Variants in TLE3 observed in about 807,000 individuals in gnomAD.
TLE3 encodes the protein transducin-like enhancer protein 3.
Under a neutral mutation model 93.0 loss-of-function variants are expected in TLE3, and 14 were observed. That is an observed-to-expected ratio of 0.15 (90% CI 0.10 to 0.24). The LOEUF (loss-of-function observed/expected upper bound fraction) is 0.24, where lower values mean the gene tolerates loss of function less well. TLE3 is among the 10% of genes least tolerant of loss of function. The pLI is 1.00. For missense variants in TLE3, 693 were observed against 1,046.6 expected, an observed-to-expected ratio of 0.66 and a Z score of 4.66; for synonymous variants, 451 against 425.0, an observed-to-expected ratio of 1.06 and a Z score of -0.75.
rs1421644317 is a variant in TLE3, at chr15:70,080,068, A to G, written c.235-3910T>C. On this transcript the variant is annotated intron_variant, in intron 4 of 19. Transcript: ENST00000451782. ...AAACATCAGTTCCAAAAAAGGAAAA[A>G]AAAAAAAAAAAATCAAGTGTGACTT... 4.3e-4 allele frequency among the ~76,000 whole-genome samples: 66 copies of G among 152,276 alleles called. 1 individual carries two copies. In the South Asian group the frequency reaches 0.013, roughly 31 times the overall value.
chr15:70,083,578 C>G (rs989151235), intron 4 of TLE3, among the ~76,000 whole-genome samples: 4 of 146,450 alleles, frequency 2.7e-5, no homozygotes, highest in Non-Finnish European at 4.5e-5. Flanking sequence ...CCCCCTCCCC[C>G]ACCTTCCCAG....
At chr15:70,096,750 A>T (rs1224042469) in intron 1 of TLE3, 25 bp downstream of exon 1, 2 of 1,612,920 alleles carry the variant, frequency 1.2e-6, no homozygotes, top group South Asian at 2.2e-5. Flanking sequence ...TAGATGCTTA[A>T]ATAAACCGAG....
At chr15:70,080,847 C>A (rs953043807) in intron 4 of TLE3, among the ~76,000 whole-genome samples, 4 of 152,182 alleles carry the variant, frequency 2.6e-5, no homozygotes, top group African/African-American at 4.8e-5. Context: ...CTGTACCCCC[C>A]AGCAACCTCC....
chr15:70,090,620 G>A (rs866427049), intron 4 of TLE3, among the ~76,000 whole-genome samples: 1 of 152,136 alleles, frequency 6.6e-6, no homozygotes, highest in Admixed American at 6.5e-5. Context: ...GGGAGGGGAG[G>A]GGAGTGACAA....
intron 4 of TLE3, among the ~76,000 whole-genome samples, chr15:70,088,839 C>T (rs1330065533): frequency 6.6e-6 from 1 of 152,228 alleles, no homozygotes; most frequent in Non-Finnish European, 1.5e-5. Flanking sequence ...GGTAGGAAAG[C>T]AGGCAGAGCA....
At chr15:70,060,838 G>C in intron 8 of TLE3, 189 bp from the exon 9 acceptor site, 1 of 873,316 alleles carries the variant, frequency 1.1e-6, no homozygotes, top group Non-Finnish European at 1.8e-6. Context: ...CCCTGAGACT[G>C]AGTCCCCGGG....
At chr15:70,057,437 A>G (rs1488203694) in intron 13 of TLE3, 22 bp downstream of exon 13, 1 of 1,571,202 alleles carries the variant, frequency 6.4e-7, no homozygotes, top group Non-Finnish European at 8.6e-7. Context: ...TCCCCAAGAA[A>G]GGAGCCAAAA....
At chr15:70,075,419 C>G (rs569023345) in intron 5 of TLE3, among the ~76,000 whole-genome samples, 2 of 152,328 alleles carry the variant, frequency 1.3e-5, no homozygotes, top group South Asian at 4.1e-4. Context: ...CTGCAAGCTC[C>G]GAGGGCATTG....
At position 70,095,614 on chromosome 15, in the gene TLE3, T is replaced by C. The variant is rs1464586730; in HGVS notation, c.153A>G (p.Ala51=). ...HSLKVEYDKL[A]NEKTEMQRHY... ...GGCGCTGCATCTCCGTCTTCTCGTT[T>C]GCCAGCTTGTCGTACTCCACTTTGA... Residue 51 remains alanine (A), a synonymous_variant, in exon 3 of 20, where the codon GCA becomes GCG. Coordinates refer to ENST00000451782, the MANE Select transcript of TLE3 (RefSeq NM_001105192.3). 1.3e-6 allele frequency: 2 copies of C among 1,551,614 alleles called. No individual in the cohort carries two copies. Among genetic ancestry groups the C allele is most frequent in the Non-Finnish European group, 1.7e-6 (2 of 1,146,924 alleles).
chr15:70,071,473 G>C (rs1331481592), intron 6 of TLE3, among the ~76,000 whole-genome samples: 3 of 151,994 alleles, frequency 2.0e-5, no homozygotes, highest in Non-Finnish European at 2.9e-5. Flanking sequence ...CAGGAAGGAA[G>C]ACCCCAGGAA....
intron 6 of TLE3, among the ~76,000 whole-genome samples, chr15:70,072,895 T>C (rs1292362486): frequency 6.6e-6 from 1 of 152,190 alleles, no homozygotes; most frequent in African/African-American, 2.4e-5. Flanking sequence ...ACTTTAAACA[T>C]TAAAATATCA....
At position 70,058,409 on chromosome 15, in the gene TLE3, GC is replaced by G; in HGVS notation, c.919-119del. 6.8e-7 allele frequency: 1 copy of G among 1,471,736 alleles called. No individual in the cohort carries two copies. The highest frequency in any genetic ancestry group is 1.4e-5 in the South Asian group (1 of 73,432). 91.2% of individuals were successfully genotyped at this position (1,471,736 alleles called of 1,614,324 possible). Reference sequence around the variant, plus strand: ...AGAGCCAGACCCTTATGAAGCTTCTGCCGAACAGCCTCTCAATCCTTGCCCA... The same window carrying G: ...AGAGCCAGACCCTTATGAAGCTTCTGCGAACAGCCTCTCAATCCTTGCCCA... On this transcript the variant is annotated intron_variant, in intron 11 of 19. Coordinates refer to ENST00000451782, the MANE Select transcript of TLE3 (RefSeq NM_001105192.3). This position sits in a 1 kb window ranked among gnomAD's most constrained non-coding sequence, Gnocchi z 4.1.
At chr15:70,087,051 C>T (rs761088878) in intron 4 of TLE3, among the ~76,000 whole-genome samples, 2 of 152,166 alleles carry the variant, frequency 1.3e-5, no homozygotes, top group Non-Finnish European at 2.9e-5. Context: ...CTATCCTTCC[C>T]AAAGAGTCCA....
At chr15:70,086,642 C>T (rs987065464) in intron 4 of TLE3, among the ~76,000 whole-genome samples, 1 of 152,106 alleles carries the variant, frequency 6.6e-6, no homozygotes, top group Non-Finnish European at 1.5e-5. Context: ...TATCGGCCTG[C>T]GGTAGTTTTC....
In TLE3 at chr15:70,097,235, G is replaced by T. The variant is rs967084619; in HGVS notation, c.-437C>A. 5.2e-5 allele frequency: 21 copies of T among 401,772 alleles called. No individual in the cohort carries two copies. The highest frequency in any genetic ancestry group is 7.2e-5 in the East Asian group (2 of 27,604). 24.9% of individuals were successfully genotyped at this position (401,772 alleles called of 1,614,324 possible). A position where few individuals can be genotyped will look rare whatever the true frequency, so the allele number is the denominator to read the frequency against. On this transcript the variant is annotated 5_prime_UTR_variant, in exon 1 of 20. Transcript: ENST00000451782. Reference sequence around the variant, plus strand: ...GTCACTCAGCGGGTCGCGCCTGTAGGGGGGCGCGCCGGGGCAGCCCCAAGC... The same window carrying T: ...GTCACTCAGCGGGTCGCGCCTGTAGTGGGGCGCGCCGGGGCAGCCCCAAGC...
At chr15:70,056,764 T>C (rs745709618) in intron 13 of TLE3, among the ~76,000 whole-genome samples, 1 of 152,126 alleles carries the variant, frequency 6.6e-6, no homozygotes, top group Non-Finnish European at 1.5e-5. Flanking sequence ...ACTCTTCTTT[T>C]TATTTTTATT....
intron 5 of TLE3, among the ~76,000 whole-genome samples, chr15:70,074,819 T>C (rs942877945): frequency 2.0e-5 from 3 of 152,258 alleles, no homozygotes; most frequent in African/African-American, 4.8e-5. Flanking sequence ...AGTTTTGTAA[T>C]TGAAACTTCC....
intron 12 of TLE3, 44 bp from the exon 13 acceptor site, chr15:70,057,702 G>A: frequency 3.9e-6 from 6 of 1,537,756 alleles, no homozygotes; most frequent in Non-Finnish European, 5.2e-6. Context: ...AGGTGGATTG[G>A]GACATGGCCA....
At chr15:70,072,385 T>C (rs1156434898) in intron 6 of TLE3, among the ~76,000 whole-genome samples, 2 of 152,084 alleles carry the variant, frequency 1.3e-5, no homozygotes, top group Non-Finnish European at 2.9e-5. Context: ...TAGGAGGAGT[T>C]GGCCTGGAAA....
Sources: allele counts gnomAD v4.1 joint callset (sites outside exome capture counted in the v4.1 genomes callset), GRCh38; gene constraint gnomAD v4.1.1; non-coding constraint Gnocchi (gnomAD v3.1); transcripts MANE v1.5; gene names NCBI Gene and HGNC (gene_info 2026-07-23, HGNC 2026-07-21).